IQGAP2: variants seen among roughly 807,000 people sequenced by gnomAD.
The protein encoded by IQGAP2 is ras GTPase-activating-like protein IQGAP2.
Under a neutral mutation model 201.3 loss-of-function variants are expected in IQGAP2, and 173 were observed. That is an observed-to-expected ratio of 0.86 (90% CI 0.76 to 0.98). IQGAP2 has a LOEUF of 0.98. IQGAP2 is among the 50% of genes least tolerant of loss of function. The pLI, the probability that IQGAP2 is intolerant of heterozygous loss-of-function variation, is 0.00. For synonymous variants in IQGAP2, 675 were observed against 673.9 expected (o/e 1.00, Z -0.03); for missense variants, 1,687 against 1,864.8 (o/e 0.90, Z 1.76).
intron 13 of IQGAP2, among the ~76,000 whole-genome samples, chr5:76,620,166 C>T (rs1046873037): frequency 6.6e-6 from 1 of 152,048 alleles, no homozygotes. Flanking sequence ...CGAATATAGC[C>T]GTTATTTTGA....
chr5:76,534,525 A>G (rs1038859843), intron 2 of IQGAP2, among the ~76,000 whole-genome samples: 1 of 152,254 alleles, frequency 6.6e-6, no homozygotes, highest in African/African-American at 2.4e-5. Context: ...TGAATCTTTT[A>G]TCAGATTTAA....
intron 14 of IQGAP2, among the ~76,000 whole-genome samples, chr5:76,629,687 T>C (rs1750539549): frequency 6.6e-6 from 1 of 152,210 alleles, no homozygotes; most frequent in African/African-American, 2.4e-5. Flanking sequence ...AAAGAGATTT[T>C]TTTCACTCCC....
At chr5:76,601,722 T>C (rs147806357) in intron 11 of IQGAP2, among the ~76,000 whole-genome samples, 47 of 152,314 alleles carry the variant, frequency 3.1e-4, no homozygotes, top group Non-Finnish European at 4.0e-4. Context: ...GGAACGGCTC[T>C]AATAGGCAGG....
At chr5:76,617,925 TAG>T in intron 13 of IQGAP2, 1 of 1,613,978 alleles carries the variant, frequency 6.2e-7, no homozygotes, top group Non-Finnish European at 8.5e-7. Context: ...GATGAAGTAA[TAG>T]AGTTGGAAGG....
intron 2 of IQGAP2, among the ~76,000 whole-genome samples, chr5:76,548,444 T>C (rs1743229197): frequency 1.3e-5 from 2 of 152,202 alleles, no homozygotes. Context: ...TTAGAAAAGG[T>C]TTCACCTAAG....
intron 1 of IQGAP2, among the ~76,000 whole-genome samples, chr5:76,429,139 G>C (rs1302452136): frequency 1.3e-5 from 2 of 151,702 alleles, no homozygotes; most frequent in Non-Finnish European, 2.9e-5. Context: ...AATGAAAAGT[G>C]ATTCCTTCCA....
At chr5:76,623,147 C>T (rs1749874576) in intron 13 of IQGAP2, 1 of 1,613,212 alleles carries the variant, frequency 6.2e-7, no homozygotes, top group Middle Eastern at 1.6e-4. Flanking sequence ...CCCATCCTAC[C>T]CCCTGAGAAA....
intron 2 of IQGAP2, among the ~76,000 whole-genome samples, chr5:76,463,060 C>T (rs1222549828): frequency 2.2e-5 from 3 of 139,498 alleles, no homozygotes; most frequent in African/African-American, 8.1e-5. Flanking sequence ...GAGGTGGAGG[C>T]TGCAGTGAGC....
chr5:76,607,869 G>A (rs1162990072), intron 12 of IQGAP2: 3 of 152,262 alleles, frequency 2.0e-5, no homozygotes, highest in African/African-American at 4.8e-5. Context: ...GCAAAACAAA[G>A]ACTCACGTCC....
chr5:76,693,848 A>G, intron 31 of IQGAP2: 1 of 157,158 alleles, frequency 6.4e-6, no homozygotes, highest in Non-Finnish European at 1.4e-5. Flanking sequence ...GATGTTTTCC[A>G]AATGCTTCAG....
intron 5 of IQGAP2, among the ~76,000 whole-genome samples, chr5:76,588,195 T>C (rs932897690): frequency 6.6e-6 from 1 of 152,348 alleles, no homozygotes; most frequent in South Asian, 2.1e-4. Flanking sequence ...CACTTTCTCA[T>C]ATATACTATT....
At position 76,652,808 on chromosome 5, in the gene IQGAP2, T is replaced by G. The variant is rs1411521893; in HGVS notation, c.2153T>G (p.Ile718Ser). ...TATATGCACAGGCGGCAAACGTTCA[T>G]TGATAATACTGATTCTATTGTGAAG... is the stretch of plus-strand genomic sequence containing the variant. Reference protein sequence around the residue: ...KEYMHRRQTFIDNTDSIVKIQ... With the variant: ...KEYMHRRQTFSDNTDSIVKIQ... Residue 718 changes from isoleucine to serine, a missense_variant, in exon 18 of 36, where the codon ATT becomes AGT. Transcript: ENST00000274364. The G allele has an allele frequency of 6.2e-7, 1 of 1,607,670 alleles. No individual in the cohort carries two copies. Among genetic ancestry groups the G allele is most frequent in the Non-Finnish European group, 8.5e-7 (1 of 1,174,168 alleles).
chr5:76,431,375 G>A (rs1691153128), intron 1 of IQGAP2, among the ~76,000 whole-genome samples: 1 of 151,592 alleles, frequency 6.6e-6, no homozygotes, highest in South Asian at 2.1e-4. Flanking sequence ...AGTTAATTTG[G>A]TAAACATTTT....
intron 2 of IQGAP2, among the ~76,000 whole-genome samples, chr5:76,504,635 T>A (rs1031137874): frequency 2.6e-4 from 40 of 152,172 alleles, no homozygotes; most frequent in African/African-American, 9.4e-4. Flanking sequence ...TTTCAAACTT[T>A]AAATGTTTAA....
chr5:76,414,440 G>A (rs1328030312), intron 1 of IQGAP2, among the ~76,000 whole-genome samples: 1 of 152,162 alleles, frequency 6.6e-6, no homozygotes, highest in East Asian at 1.9e-4. Context: ...TAGTTATAGA[G>A]CTAATACAAA....
At chr5:76,461,517 T>C (rs1017761312) in intron 1 of IQGAP2, 53 bp from the exon 2 acceptor site, 1 of 1,210,314 alleles carries the variant, frequency 8.3e-7, no homozygotes, top group African/African-American at 1.5e-5. Context: ...TTGTCTCAGG[T>C]GTTTAATGAA....
At chr5:76,654,094 T>C (rs1234849276) in intron 18 of IQGAP2, 106 bp from the exon 19 acceptor site, 2 of 692,780 alleles carry the variant, frequency 2.9e-6, no homozygotes, top group African/African-American at 1.8e-5. Context: ...CAAGTATCAT[T>C]GTTTTTAGAA....
At chr5:76,650,057 G>GC (rs1752394498) in intron 17 of IQGAP2, among the ~76,000 whole-genome samples, 1 of 152,230 alleles carries the variant, frequency 6.6e-6, no homozygotes, top group Non-Finnish European at 1.5e-5. Flanking sequence ...CCAAGGCTGT[G>GC]CAGTGCATCA....
chr5:76,699,174 G>A (rs998815061), intron 33 of IQGAP2, among the ~76,000 whole-genome samples: 1 of 152,048 alleles, frequency 6.6e-6, no homozygotes, highest in Non-Finnish European at 1.5e-5. Flanking sequence ...GCTTCTATGA[G>A]TTCAACTTTT....
Sources: allele counts gnomAD v4.1 joint callset (sites outside exome capture counted in the v4.1 genomes callset), GRCh38; gene constraint gnomAD v4.1.1; transcripts MANE v1.5; gene names NCBI Gene and HGNC (gene_info 2026-07-23, HGNC 2026-07-21).